ARHGAP22: variants seen among roughly 807,000 people sequenced by gnomAD.
ARHGAP22 encodes the protein Rho GTPase activating protein 22, also known as rho GTPase-activating protein 22.
Under a neutral mutation model 59.1 loss-of-function variants are expected in ARHGAP22, and 48 were observed. The ratio of observed to expected loss-of-function variants is 0.81; its 90% CI spans 0.64 to 1.03. The LOEUF (loss-of-function observed/expected upper bound fraction) is 1.03, where lower values mean the gene tolerates loss of function less well. ARHGAP22 is among the 50% of genes least tolerant of loss of function. The pLI, the probability that ARHGAP22 is intolerant of heterozygous loss-of-function variation, is 0.00. For missense variants in ARHGAP22, 1,015 were observed against 958.7 expected, an observed-to-expected ratio of 1.06 and a Z score of -0.78; for synonymous variants, 445 against 416.4, an observed-to-expected ratio of 1.07 and a Z score of -0.84.
intron 3 of ARHGAP22, among the ~76,000 whole-genome samples, chr10:48,501,418 G>A (rs974113375): frequency 3.3e-5 from 5 of 152,188 alleles, no homozygotes; most frequent in African/African-American, 1.2e-4. Context: ...CAGGGCCCCT[G>A]AGGCCTCCCC....
At position 48,454,170 on chromosome 10, in the gene ARHGAP22, T is replaced by C. The variant is rs753601691; in HGVS notation, c.793-9A>G. The C allele has an allele frequency of 7.4e-6, 12 of 1,613,024 alleles. No individual in the cohort carries two copies. The highest frequency in any genetic ancestry group is 1.0e-5 in the Non-Finnish European group (12 of 1,179,220). On this transcript the variant is annotated splice_polypyrimidine_tract_variant and intron_variant, in intron 6 of 9. Coordinates refer to ENST00000249601, the MANE Select transcript of ARHGAP22 (RefSeq NM_021226.4). The stretch of plus-strand genomic sequence containing the variant: ...GCCAACTCCAGAGTGCCCTTAGGAA[T>C]GAAGAACAGAATTTCAAACACCGGC...
chr10:48,491,895 C>T (rs2050433223), intron 3 of ARHGAP22, among the ~76,000 whole-genome samples: 1 of 152,240 alleles, frequency 6.6e-6, no homozygotes, highest in South Asian at 2.1e-4. Context: ...TGGCTCCTAT[C>T]CGAACCCCAC....
chr10:48,656,057 C>T (rs2062796799), upstream of ARHGAP22: 1 of 152,144 alleles, frequency 6.6e-6, no homozygotes, highest in Admixed American at 6.5e-5. Flanking sequence ...CCTCCCCTGC[C>T]TCGGCCGCCC....
intron 3 of ARHGAP22, among the ~76,000 whole-genome samples, chr10:48,482,766 G>A (rs1423796435): frequency 1.3e-5 from 2 of 152,098 alleles, no homozygotes; most frequent in African/African-American, 4.8e-5. Flanking sequence ...CACTTCAAGT[G>A]TTTATTATTC....
chr10:48,504,394 G>A (rs1238722426), intron 3 of ARHGAP22, among the ~76,000 whole-genome samples: 1 of 152,204 alleles, frequency 6.6e-6, no homozygotes, highest in Non-Finnish European at 1.5e-5. Context: ...GTGTGTGGGT[G>A]AACAAGGGAG....
chr10:48,649,358 G>A (rs950110740), intron 1 of ARHGAP22, among the ~76,000 whole-genome samples: 2 of 152,208 alleles, frequency 1.3e-5, no homozygotes, highest in East Asian at 1.9e-4. Flanking sequence ...TCAGGGAGGC[G>A]TGGGAGAGGG....
intron 3 of ARHGAP22, among the ~76,000 whole-genome samples, chr10:48,540,518 A>G (rs138267174): frequency 2.6e-3 from 395 of 152,362 alleles, no homozygotes; most frequent in African/African-American, 9.1e-3. Flanking sequence ...GGTGTGAGCC[A>G]CCATGCCCTG....
intron 1 of ARHGAP22, among the ~76,000 whole-genome samples, chr10:48,645,213 C>T (rs910718535): frequency 6.6e-6 from 1 of 152,144 alleles, no homozygotes; most frequent in African/African-American, 2.4e-5. Context: ...GGTATAACAC[C>T]AATACTTCAC....
chr10:48,449,651 G>A (rs2045700230), intron 9 of ARHGAP22, among the ~76,000 whole-genome samples: 1 of 152,248 alleles, frequency 6.6e-6, no homozygotes, highest in African/African-American at 2.4e-5. Flanking sequence ...TGGTCTCCAG[G>A]AGCTGAGGTT....
At chr10:48,431,268 T>C in the ARHGAP22 span, 2 of 1,607,986 alleles carry the variant, frequency 1.2e-6, no homozygotes, top group Non-Finnish European at 1.7e-6. Context: ...CCCTCTCCTT[T>C]AGGTTGGTTA....
In ARHGAP22 at chr10:48,530,056, G is replaced by A. The variant is rs187023479; in HGVS notation, c.322+25407C>T. On this transcript the variant is annotated intron_variant, in intron 3 of 9. Transcript: ENST00000249601. ...GTTCGAGACCAGCTTTGCTAACATG[G>A]TGAAACCGCATCTCTACTAAATATA... Among the ~76,000 whole-genome samples the A allele has an allele frequency of 5.8e-3, 882 of 152,132 alleles. 3 individuals are homozygous for A. The highest frequency in any genetic ancestry group is 9.4e-3 in the Non-Finnish European group (639 of 67,978).
chr10:48,493,468 C>T lies in ARHGAP22; in HGVS notation c.323-13704G>A, dbSNP rs1488403085. 2.6e-6 allele frequency: 4 copies of T among 1,536,028 alleles called. No homozygotes were observed. In the African/African-American group the frequency reaches 5.5e-5, roughly 21 times the overall value. Reference sequence around the variant, plus strand: ...GGGCATACGCCTGCTCCTCTTCAGACACCTGATGGGCCAGAAGGGCATGGT... The same window carrying T: ...GGGCATACGCCTGCTCCTCTTCAGATACCTGATGGGCCAGAAGGGCATGGT... On this transcript the variant is annotated intron_variant, in intron 3 of 9. Coordinates refer to ENST00000249601, the MANE Select transcript of ARHGAP22 (RefSeq NM_021226.4).
chr10:48,587,150 C>T (rs1042020579), intron 1 of ARHGAP22, among the ~76,000 whole-genome samples: 4 of 152,184 alleles, frequency 2.6e-5, no homozygotes, highest in Admixed American at 6.5e-5. Flanking sequence ...AGAAGAGACC[C>T]AAAGCATCAG....
At chr10:48,472,099 C>T (rs370085608) in intron 4 of ARHGAP22, among the ~76,000 whole-genome samples, 11 of 151,684 alleles carry the variant, frequency 7.3e-5, no homozygotes, top group Non-Finnish European at 1.5e-4. Flanking sequence ...CCCAGCTACT[C>T]GGGAGGCTGA....
chr10:48,619,595 C>G (rs1345667068), intron 1 of ARHGAP22, among the ~76,000 whole-genome samples: 1 of 152,146 alleles, frequency 6.6e-6, no homozygotes, highest in Non-Finnish European at 1.5e-5. Context: ...GGGGGAAGGA[C>G]ACTGTCTTCA....
chr10:48,641,537 T>G (rs535919168), intron 1 of ARHGAP22, among the ~76,000 whole-genome samples: 112 of 152,242 alleles, frequency 7.4e-4, no homozygotes, highest in African/African-American at 2.6e-3. Flanking sequence ...TTTGACAAAA[T>G]TCAACAGCCC....
At chr10:48,573,377 C>A (rs1006488046) in intron 2 of ARHGAP22, among the ~76,000 whole-genome samples, 1 of 152,194 alleles carries the variant, frequency 6.6e-6, no homozygotes, top group Non-Finnish European at 1.5e-5. Flanking sequence ...CAGCTAGAAC[C>A]ATCCTGGTTA....
At chr10:48,577,873 C>T (rs887746292) in intron 2 of ARHGAP22, among the ~76,000 whole-genome samples, 4 of 127,728 alleles carry the variant, frequency 3.1e-5, no homozygotes, top group South Asian at 2.7e-4. Flanking sequence ...AGTGCAGTAG[C>T]GCTTATCTTG....
intron 3 of ARHGAP22, among the ~76,000 whole-genome samples, chr10:48,503,794 C>T (rs2051786821): frequency 1.3e-5 from 2 of 152,258 alleles, no homozygotes; most frequent in Admixed American, 1.3e-4. Flanking sequence ...GTGGTGCCTG[C>T]ACCTCCCCTA....
Sources: allele counts gnomAD v4.1 joint callset (sites outside exome capture counted in the v4.1 genomes callset), GRCh38; gene constraint gnomAD v4.1.1; transcripts MANE v1.5; gene names NCBI Gene and HGNC (gene_info 2026-07-23, HGNC 2026-07-21).